The following CHGA variants were observed in gnomAD, a reference collection of about 807,000 sequenced individuals.
CHGA encodes the protein chromogranin-A.
CHGA carries 41 observed loss-of-function variants against 54.4 expected under a neutral mutation model. The observed-to-expected ratio is 0.75, with a 90% CI of 0.59 to 0.98. CHGA has a LOEUF of 0.98. CHGA is among the 50% of genes least tolerant of loss of function. The pLI, the probability that CHGA is intolerant of heterozygous loss-of-function variation, is 0.00. For missense variants in CHGA, 576 were observed against 582.3 expected (o/e 0.99, Z 0.11); for synonymous variants, 249 against 232.8 (o/e 1.07, Z -0.63).
At chr14:92,931,144 G>T in intron 5 of CHGA, 106 bp from the exon 6 acceptor site, 1 of 1,204,826 alleles carries the variant, frequency 8.3e-7, no homozygotes, top group Non-Finnish European at 1.2e-6. Flanking sequence ...GGCTGGGCTC[G>T]CTGGAAGCCA....
intron 2 of CHGA, chr14:92,926,222 C>G (rs755937479): frequency 4.6e-6 from 1 of 218,670 alleles, no homozygotes. Context: ...GGCATCTTCA[C>G]GATCAGAGCA....
intron 7 of CHGA, chr14:92,933,267 A>G (rs1800954111): frequency 1.2e-5 from 2 of 162,912 alleles, no homozygotes; most frequent in African/African-American, 2.4e-5. Flanking sequence ...GGGCCAAGGG[A>G]TCTCTTGCCT....
chr14:92,932,877 T>C lies in CHGA; in HGVS notation c.1290+26T>C. 1.4e-6 allele frequency: 2 copies of C among 1,458,926 alleles called. No homozygotes were observed. The highest frequency in any genetic ancestry group is 1.8e-6 in the Non-Finnish European group (2 of 1,103,200). 90.4% of individuals were successfully genotyped at this position (1,458,926 alleles called of 1,614,324 possible). ...GTTGGTATGGGGCGGGAGCCAGCTCTGTGCCAGGCCACGGAGCAGCAGGGG... is the reference window on the plus strand; with the variant it reads ...GTTGGTATGGGGCGGGAGCCAGCTCCGTGCCAGGCCACGGAGCAGCAGGGG... On this transcript the variant is annotated intron_variant, in intron 7 of 7. Transcript: ENST00000216492. This position sits in a 1 kb window ranked among gnomAD's most constrained non-coding sequence, Gnocchi z 5.3.
chr14:92,931,532 G>C lies in CHGA; in HGVS notation c.638G>C (p.Arg213Thr). ...GGCCTCTCTCAGGGTCTGGTGGACA[G>C]AGAGAAGGGCCTGAGTGCAGAGCCA... ...SEGLSQGLVD[R>T]EKGLSAEPGW... Residue 213 changes from arginine to threonine, a missense_variant, in exon 6 of 8, where the codon AGA (arginine) becomes ACA (threonine). By Grantham distance (71) the Arg-to-Thr change is moderately conservative. Transcript: ENST00000216492. 7 of 1,612,864 alleles carry C rather than the reference G, an allele frequency of 4.3e-6. No individual in the cohort carries two copies. The highest frequency in any genetic ancestry group is 5.9e-6 in the Non-Finnish European group (7 of 1,179,786).
chr14:92,928,637 G>C (rs770650611), intron 4 of CHGA, among the ~76,000 whole-genome samples: 83 of 152,150 alleles, frequency 5.5e-4, no homozygotes, highest in Non-Finnish European at 1.0e-3. Flanking sequence ...AATATTGAAT[G>C]ACTAACTGAT....
chr14:92,930,664 G>A (rs963974592), intron 5 of CHGA, among the ~76,000 whole-genome samples: 2 of 152,224 alleles, frequency 1.3e-5, no homozygotes, highest in East Asian at 3.8e-4. Flanking sequence ...AATAGGCATA[G>A]GAGCACCTTT....
chr14:92,928,058 G>A (rs1040761278), intron 4 of CHGA, among the ~76,000 whole-genome samples: 8 of 152,194 alleles, frequency 5.3e-5, no homozygotes, highest in African/African-American at 1.4e-4. Context: ...TGCAAAGCAC[G>A]GCCCTAGCCT....
rs202023927 is a variant in CHGA, at chr14:92,934,896, G to A, written c.*12G>A. ...TACGGCGGGGCTGAGACACCGGCTG[G>A]CAGGGCTGGCCCCAGGGCACCCTGT... On this transcript the variant is annotated 3_prime_UTR_variant, in exon 8 of 8. Transcript: ENST00000216492. 1.6e-4 allele frequency: 243 copies of A among 1,551,188 alleles called. No individual in the cohort carries two copies. In the African/African-American group the frequency reaches 2.6e-3, roughly 17 times the overall value.
upstream of CHGA, among the ~76,000 whole-genome samples, chr14:92,922,813 G>A (rs767032839): frequency 6.6e-6 from 1 of 152,204 alleles, no homozygotes; most frequent in Non-Finnish European, 1.5e-5. Flanking sequence ...GGGTGCTAGC[G>A]CTGCCAGGGA....
chr14:92,923,363 C>T lies in CHGA; in HGVS notation c.4C>T (p.Arg2Cys), dbSNP rs1454790617. The change falls in exon 1 of 8, where the codon CGC becomes TGC. Residue 2 changes from arginine (R) to cysteine (C), a missense_variant. Arg to Cys is a radical substitution (Grantham distance 180). Transcript: ENST00000216492. ...CTGCTCGGCGCCCGGGTCCGCCATGCGCTCCGCCGCTGTCCTGGCTCTTCT... is the reference window on the plus strand; with the variant it reads ...CTGCTCGGCGCCCGGGTCCGCCATGTGCTCCGCCGCTGTCCTGGCTCTTCT... Reference protein sequence around the residue: MRSAAVLALLLC... With the variant: MCSAAVLALLLC... 3.8e-6 allele frequency: 5 copies of T among 1,310,986 alleles called. No individual in the cohort carries two copies. Among genetic ancestry groups the T allele is most frequent in the East Asian group, 3.1e-5 (1 of 32,408 alleles). The allele number at this position is 1,310,986 out of a possible 1,614,324, so 81.2% of individuals were successfully genotyped here.
chr14:92,931,646 C>T lies in CHGA; in HGVS notation c.752C>T (p.Thr251Ile), dbSNP rs1887000871. 6 of 1,606,912 alleles carry T rather than the reference C, an allele frequency of 3.7e-6. No homozygotes were observed. Among genetic ancestry groups the T allele is most frequent in the Non-Finnish European group, 5.1e-6 (6 of 1,175,402 alleles). The change falls in exon 6 of 8, where the codon ACT (threonine) becomes ATT (isoleucine). Residue 251 changes from threonine (T) to isoleucine (I), a missense_variant. By Grantham distance (89) the Thr-to-Ile change is moderately conservative. Transcript: ENST00000216492. ...EEAVPEEEGPTVVLNPHPSLG... is the reference protein window; with the variant it reads ...EEAVPEEEGPIVVLNPHPSLG... ...GCTGTCCCCGAGGAAGAAGGCCCCA[C>T]TGTAGTGCTGAACCCCCACCCGAGC...
chr14:92,925,505 C>T (rs968342537), intron 2 of CHGA, among the ~76,000 whole-genome samples: 1 of 152,148 alleles, frequency 6.6e-6, no homozygotes, highest in Non-Finnish European at 1.5e-5. Flanking sequence ...AGATTCTATA[C>T]GAGGTTGTTG....
intron 1 of CHGA, among the ~76,000 whole-genome samples, chr14:92,923,619 C>G (rs941587): frequency 0.77 from 117,517 of 152,104 alleles, 45,613 homozygotes; most frequent in East Asian, 0.95. Context: ...TCCCAACCCC[C>G]CGGGGCAACT....
At chr14:92,926,794 C>A in intron 3 of CHGA, 96 bp downstream of exon 3, 1 of 1,022,648 alleles carries the variant, frequency 9.8e-7, no homozygotes, top group Non-Finnish European at 1.5e-6. Context: ...TGATTTAACT[C>A]AACAGTCACT....
Position 92,932,411 on chromosome 14 carries a change from G to C in CHGA, c.850G>C (p.Gly284Arg). 6.3e-7 allele frequency: 1 copy of C among 1,578,374 alleles called. No individual in the cohort carries two copies. The highest frequency in any genetic ancestry group is 2.3e-5 in the East Asian group (1 of 43,686). ...ALAVDGAGKP[G>R]AEEAQDPEGK... ...GGCTGTGGATGGAGCTGGGAAGCCT[G>C]GGGCTGAGGAGGCTCAGGACCCCGA... The change falls in exon 7 of 8, where the codon GGG becomes CGG. Residue 284 changes from glycine to arginine, a missense_variant. Coordinates refer to ENST00000216492, the MANE Select transcript of CHGA (RefSeq NM_001275.4). The surrounding 1 kb of genome is among the most constrained non-coding windows in gnomAD (Gnocchi z 5.3).
At chr14:92,928,210 C>G (rs1041729513) in intron 4 of CHGA, among the ~76,000 whole-genome samples, 5 of 152,252 alleles carry the variant, frequency 3.3e-5, no homozygotes, top group African/African-American at 4.8e-5. Flanking sequence ...AATCCAGCAT[C>G]TGCTTCCCAA....
rs2139673086 is a variant in CHGA at position 92,931,429 on chromosome 14, G to A, written c.535G>A (p.Glu179Lys). ...TGGGGAGGAAGAGGAGGAGGAGGAGGAGGCCACCAACACCCACCCTCCAGC... is the reference window on the plus strand; with the variant it reads ...TGGGGAGGAAGAGGAGGAGGAGGAGAAGGCCACCAACACCCACCCTCCAGC... Reference protein sequence around the residue: ...APGEEEEEEEEATNTHPPASL... With the variant: ...APGEEEEEEEKATNTHPPASL... Residue 179 changes from glutamate (E) to lysine (K), a missense_variant, in exon 6 of 8, where the codon GAG becomes AAG. Physicochemically the swap from Glu to Lys is moderately conservative, Grantham distance 56. Transcript: ENST00000216492. The A allele has an allele frequency of 1.9e-6, 3 of 1,609,462 alleles. No individual in the cohort carries two copies. The East Asian group carries it at 6.7e-5, about 36-fold the overall frequency.
At chr14:92,926,793 T>C in intron 3 of CHGA, 95 bp downstream of exon 3, 2 of 1,038,958 alleles carry the variant, frequency 1.9e-6, no homozygotes, top group Non-Finnish European at 2.9e-6. Flanking sequence ...ATGATTTAAC[T>C]CAACAGTCAC....
intron 3 of CHGA, 33 bp from the exon 4 acceptor site, chr14:92,927,517 G>A (rs1271219596): frequency 1.3e-6 from 2 of 1,573,462 alleles, no homozygotes; most frequent in Admixed American, 3.5e-5. Flanking sequence ...CTGTTCTCTG[G>A]AAACCACCCA....
Sources: gnomAD v4.1 joint callset for allele counts (sites outside exome capture counted in the v4.1 genomes callset) on GRCh38, gnomAD v4.1.1 for gene constraint, Gnocchi (gnomAD v3.1) non-coding constraint, MANE v1.5 for transcripts, NCBI Gene and HGNC (gene_info 2026-07-23, HGNC 2026-07-21) for gene names.